Variants in C12orf75 observed in about 807,000 individuals in gnomAD.
C12orf75 encodes chromosome 12 open reading frame 75, also known as overexpressed in colon carcinoma 1 protein.
C12orf75 carries 4 observed loss-of-function variants against 11.4 expected under a neutral mutation model. That is an observed-to-expected ratio of 0.35 (90% CI 0.17 to 0.80). The LOEUF (loss-of-function observed/expected upper bound fraction) is 0.80. Ranked by LOEUF, C12orf75 falls within the 30% of genes least tolerant of loss-of-function variation. The pLI is 0.52. For synonymous variants in C12orf75, 30 were observed against 30.0 expected, an observed-to-expected ratio of 1.00 and a Z score of 0.00; for missense variants, 89 against 80.4, an observed-to-expected ratio of 1.11 and a Z score of -0.41.
At chr12:105,350,572 C>G (rs750957265) in intron 2 of C12orf75, among the ~76,000 whole-genome samples, 5 of 152,166 alleles carry the variant, frequency 3.3e-5, no homozygotes, top group Non-Finnish European at 5.9e-5. Flanking sequence ...GCTCTCTGAG[C>G]TGCATAGTGT....
intron 2 of C12orf75, among the ~76,000 whole-genome samples, chr12:105,356,830 T>A (rs1159864999): frequency 6.6e-6 from 1 of 152,224 alleles, no homozygotes; most frequent in Non-Finnish European, 1.5e-5. Context: ...AAGATTCATA[T>A]TTTATGTATT....
At chr12:105,347,473 C>T (rs925127586) in intron 1 of C12orf75, among the ~76,000 whole-genome samples, 7 of 152,136 alleles carry the variant, frequency 4.6e-5, no homozygotes, top group African/African-American at 1.7e-4. Context: ...GGTCTAAGTC[C>T]AAGAGTCTGA....
intron 2 of C12orf75, among the ~76,000 whole-genome samples, chr12:105,350,266 G>A (rs1892694689): frequency 6.6e-6 from 1 of 152,166 alleles, no homozygotes; most frequent in African/African-American, 2.4e-5. Flanking sequence ...CTGAACCCAG[G>A]ATTTATTAGG....
intron 1 of C12orf75, among the ~76,000 whole-genome samples, chr12:105,342,578 G>A (rs1478885028): frequency 2.0e-5 from 3 of 152,218 alleles, no homozygotes; most frequent in Admixed American, 6.5e-5. Context: ...CTTTGCCACT[G>A]GTGATTAACT....
At chr12:105,346,429 G>A (rs1279556120) in intron 1 of C12orf75, among the ~76,000 whole-genome samples, 3 of 151,992 alleles carry the variant, frequency 2.0e-5, no homozygotes, top group Non-Finnish European at 2.9e-5. Flanking sequence ...AAAATAAAAC[G>A]TTCATTTTCA....
At chr12:105,365,974 G>T in intron 3 of C12orf75, 132 bp downstream of exon 3, 1 of 712,032 alleles carries the variant, frequency 1.4e-6, no homozygotes, top group Non-Finnish European at 2.5e-6. Flanking sequence ...ATACAGGTAG[G>T]GGCATATGGT....
chr12:105,367,491 A>T lies in C12orf75; in HGVS notation c.*15A>T. ...TTTAAGATTAGAAGAAAATAACATC[A>T]TGACTCAAGAATCAAGAGGTGCTGT... On this transcript the variant is annotated 3_prime_UTR_variant, in exon 5 of 6. Transcript: ENST00000443585. The T allele has an allele frequency of 1.2e-6, 1 of 836,826 alleles. No individual in the cohort carries two copies. Among genetic ancestry groups the T allele is most frequent in the South Asian group, 1.9e-5 (1 of 52,106 alleles). The allele number at this position is 836,826 out of a possible 1,614,324, so 51.8% of individuals were successfully genotyped here.
At chr12:105,366,326 T>A (rs780268920) in intron 3 of C12orf75, 2 of 304,366 alleles carry the variant, frequency 6.6e-6, no homozygotes, top group African/African-American at 2.2e-5. Context: ...GTATGATATT[T>A]AATACTCTAA....
At chr12:105,358,833 T>C (rs994594308) in intron 2 of C12orf75, among the ~76,000 whole-genome samples, 1 of 152,202 alleles carries the variant, frequency 6.6e-6, no homozygotes, top group African/African-American at 2.4e-5. Flanking sequence ...ATGTAAATCC[T>C]TTAGTACTGG....
At chr12:105,344,464 C>T (rs1483381962) in intron 1 of C12orf75, among the ~76,000 whole-genome samples, 1 of 152,096 alleles carries the variant, frequency 6.6e-6, no homozygotes, top group Non-Finnish European at 1.5e-5. Context: ...AGGACTCGGC[C>T]GGGTGTAGTG....
chr12:105,359,566 T>G (rs1592883717), intron 2 of C12orf75, among the ~76,000 whole-genome samples: 1 of 151,306 alleles, frequency 6.6e-6, no homozygotes, highest in African/African-American at 2.4e-5. Flanking sequence ...GGGTCAGGAG[T>G]TCAAGACCAG....
At chr12:105,356,665 A>G (rs567215988) in intron 2 of C12orf75, among the ~76,000 whole-genome samples, 1 of 152,150 alleles carries the variant, frequency 6.6e-6, no homozygotes, top group South Asian at 2.1e-4. Flanking sequence ...GCTATCTCAT[A>G]TTTGTCATCT....
intron 1 of C12orf75, among the ~76,000 whole-genome samples, chr12:105,332,840 TTTC>T (rs2136138566): frequency 6.6e-6 from 1 of 152,024 alleles, no homozygotes; most frequent in Non-Finnish European, 1.5e-5. Context: ...GAAAATATGA[TTTC>T]TTGGGGAAAT....
intron 2 of C12orf75, among the ~76,000 whole-genome samples, chr12:105,359,742 G>A (rs1191178788): frequency 1.4e-5 from 2 of 144,046 alleles, no homozygotes; most frequent in African/African-American, 5.2e-5. Context: ...CTGCACTCCA[G>A]TTGGGGCAAA....
intron 3 of C12orf75, chr12:105,366,054 A>C (rs1379451574): frequency 1.7e-6 from 1 of 583,896 alleles, no homozygotes; most frequent in Admixed American, 2.9e-5. Context: ...TGTCCTATGC[A>C]TGTGGCGTGT....
At chr12:105,360,683 G>C (rs1170811202) in intron 2 of C12orf75, among the ~76,000 whole-genome samples, 3 of 152,142 alleles carry the variant, frequency 2.0e-5, no homozygotes, top group Non-Finnish European at 4.4e-5. Context: ...ACGGGGCCTT[G>C]CTCTTTCACC....
chr12:105,353,282 G>A (rs1216638981), intron 2 of C12orf75, among the ~76,000 whole-genome samples: 1 of 152,210 alleles, frequency 6.6e-6, no homozygotes, highest in Non-Finnish European at 1.5e-5. Context: ...GTGACAAACA[G>A]GACCAGTTTA....
At position 105,347,580 on chromosome 12, in the gene C12orf75, CCTT is replaced by C. The variant is rs574644759; in HGVS notation, c.47-1016_47-1014del. Among the ~76,000 whole-genome samples the C allele has an allele frequency of 3.0e-4, 46 of 152,328 alleles. No individual in the cohort carries two copies. In the East Asian group the frequency reaches 8.7e-3, roughly 29 times the overall value. ...AAGCTCAGCAAGTCTGCTCTTTCCACCTTCTTCTGCCTGCTTTATTCTAGCTGT... is the reference window on the plus strand; with the variant it reads ...AAGCTCAGCAAGTCTGCTCTTTCCACCTTCTGCCTGCTTTATTCTAGCTGT... On this transcript the variant is annotated intron_variant, in intron 1 of 5. Transcript: ENST00000443585.
Position 105,367,490 on chromosome 12 carries a change from C to A in C12orf75, c.*14C>A, listed in dbSNP as rs1156954814. 2 of 838,006 alleles carry A rather than the reference C, an allele frequency of 2.4e-6. No homozygotes were observed. The highest frequency in any genetic ancestry group is 3.7e-6 in the Non-Finnish European group (2 of 547,528). 51.9% of individuals were successfully genotyped at this position (838,006 alleles called of 1,614,324 possible). A position where few individuals can be genotyped will look rare whatever the true frequency, so the allele number is the denominator to read the frequency against. ...CTTTAAGATTAGAAGAAAATAACAT[C>A]ATGACTCAAGAATCAAGAGGTGCTG... is the stretch of plus-strand genomic sequence containing the variant. On this transcript the variant is annotated 3_prime_UTR_variant, in exon 5 of 6. Coordinates refer to ENST00000443585, the MANE Select transcript of C12orf75 (RefSeq NM_001145199.2).
Sources: gnomAD v4.1 joint callset for allele counts (sites outside exome capture counted in the v4.1 genomes callset) on GRCh38, gnomAD v4.1.1 for gene constraint, MANE v1.5 for transcripts, NCBI Gene and HGNC (gene_info 2026-07-23, HGNC 2026-07-21) for gene names.